The following RAPGEF6 variants were observed in gnomAD, a reference collection of about 807,000 sequenced individuals.
RAPGEF6 encodes Rap guanine nucleotide exchange factor 6.
A neutral mutation model predicts 171.4 loss-of-function variants in RAPGEF6; 56 were observed. The observed-to-expected ratio is 0.33, with a 90% confidence interval of 0.26 to 0.41. RAPGEF6 has a LOEUF of 0.41. Ranked by LOEUF, RAPGEF6 falls within the 10% of genes least tolerant of loss-of-function variation. The pLI is 1.00. For synonymous variants in RAPGEF6, 692 were observed against 650.1 expected, an observed-to-expected ratio of 1.06 and a Z score of -0.98; for missense variants, 1,674 against 1,921.4, an observed-to-expected ratio of 0.87 and a Z score of 2.41.
chr5:131,589,465 T>C (rs1419730071), intron 4 of RAPGEF6, among the ~76,000 whole-genome samples: 1 of 152,182 alleles, frequency 6.6e-6, no homozygotes, highest in Non-Finnish European at 1.5e-5. Context: ...AAGAACTCCA[T>C]TTGTATAAAG....
At chr5:131,526,742 C>T (rs1182869720) in intron 6 of RAPGEF6, among the ~76,000 whole-genome samples, 3 of 152,172 alleles carry the variant, frequency 2.0e-5, no homozygotes, top group African/African-American at 7.2e-5. Context: ...TTCCAGCCCA[C>T]CAGGTCTGAC....
At position 131,446,367 on chromosome 5, in the gene RAPGEF6, C is replaced by G. The variant is rs145245075; in HGVS notation, c.3421+116G>C. On this transcript the variant is annotated intron_variant, in intron 22 of 27. Coordinates refer to ENST00000509018, the MANE Select transcript of RAPGEF6 (RefSeq NM_016340.6). ...GGATCACATGATGCTTAAGGTATGC[C>G]AGCAATCTTTTGTGAGTGAAAGTTA... 7.8e-4 allele frequency: 749 copies of G among 964,980 alleles called. 7 individuals carry two copies. The African/African-American group carries it at 0.012, about 15-fold the overall frequency. The allele number at this position is 964,980 out of a possible 1,614,324, so 59.8% of individuals were successfully genotyped here. A position where few individuals can be genotyped will look rare whatever the true frequency, so the allele number is the denominator to read the frequency against.
intron 1 of RAPGEF6, among the ~76,000 whole-genome samples, chr5:131,623,471 A>G (rs1429362618): frequency 1.4e-5 from 2 of 143,448 alleles, no homozygotes; most frequent in African/African-American, 5.4e-5. Flanking sequence ...AGTATTTTTC[A>G]CATTGCTTTT....
At chr5:131,573,777 C>T (rs1244728398) in intron 4 of RAPGEF6, among the ~76,000 whole-genome samples, 1 of 152,134 alleles carries the variant, frequency 6.6e-6, no homozygotes, top group East Asian at 1.9e-4. Flanking sequence ...GAAAACCCAG[C>T]CCAGTTCATG....
chr5:131,629,897 T>C (rs766506057), intron 1 of RAPGEF6, among the ~76,000 whole-genome samples: 32 of 152,136 alleles, frequency 2.1e-4, no homozygotes, highest in Non-Finnish European at 3.8e-4. Context: ...AAAAGTGGTT[T>C]CTTGAGACAA....
At position 131,425,833 on chromosome 5, in the gene RAPGEF6, T is replaced by C. The variant is rs766642284; in HGVS notation, c.*1433A>G. ...ACACATACGGACAGCCATTCAGAAGTAAACCCCTTTTGGCTCCAAGTTGAT... is the reference window on the plus strand; with the variant it reads ...ACACATACGGACAGCCATTCAGAAGCAAACCCCTTTTGGCTCCAAGTTGAT... On this transcript the variant is annotated 3_prime_UTR_variant, in exon 28 of 28. Transcript: ENST00000509018. The C allele has an allele frequency of 2.0e-5, 3 of 147,140 alleles. No individual in the cohort carries two copies. Among genetic ancestry groups the C allele is most frequent in the Non-Finnish European group, 4.5e-5 (3 of 67,380 alleles). The allele number at this position is 147,140 out of a possible 1,614,324, so 9.1% of individuals were successfully genotyped here.
chr5:131,489,495 A>G (rs1756138481), intron 15 of RAPGEF6, 51 bp downstream of exon 15: 6 of 1,079,984 alleles, frequency 5.6e-6, no homozygotes, highest in Non-Finnish European at 8.2e-6. Context: ...TGACTTTTCT[A>G]TTACCAAATT....
chr5:131,456,463 T>C (rs770126497), intron 19 of RAPGEF6, among the ~76,000 whole-genome samples: 50 of 152,312 alleles, frequency 3.3e-4, no homozygotes, highest in Non-Finnish European at 4.1e-4. Flanking sequence ...CCTGCGATTT[T>C]GTTCACTCAC....
intron 26 of RAPGEF6, 162 bp downstream of exon 26, chr5:131,430,697 G>C (rs531370235): frequency 9.7e-7 from 1 of 1,032,742 alleles, no homozygotes; most frequent in Non-Finnish European, 1.5e-6. Context: ...AAGTCTTTGA[G>C]AAACCATGAA....
At chr5:131,620,828 G>C (rs186588582) in intron 1 of RAPGEF6, among the ~76,000 whole-genome samples, 4 of 152,202 alleles carry the variant, frequency 2.6e-5, no homozygotes, top group Non-Finnish European at 2.9e-5. Context: ...CTGGCCTCAA[G>C]TGATCTGCCC....
intron 7 of RAPGEF6, among the ~76,000 whole-genome samples, chr5:131,516,711 T>TA (rs1220188503): frequency 6.6e-6 from 1 of 152,240 alleles, no homozygotes; most frequent in Non-Finnish European, 1.5e-5. Flanking sequence ...AAGTACTCCT[T>TA]ATTCTCTTGA....
In RAPGEF6 at chr5:131,426,655, C is replaced by T. The variant is rs1751409506; in HGVS notation, c.*611G>A. ...CCTATTTCTCTCAAACTGAGACCTA[C>T]ATTGCATTGGTGCTACAGATCAAGT... is the stretch of plus-strand genomic sequence containing the variant. On this transcript the variant is annotated 3_prime_UTR_variant, in exon 28 of 28. Coordinates refer to ENST00000509018, the MANE Select transcript of RAPGEF6 (RefSeq NM_016340.6). The T allele has an allele frequency of 6.6e-6, 1 of 152,588 alleles. No individual in the cohort carries two copies. The highest frequency in any genetic ancestry group is 2.1e-4 in the South Asian group (1 of 4,836). 9.5% of individuals were successfully genotyped at this position (152,588 alleles called of 1,614,324 possible).
At chr5:131,609,594 T>C (rs1374904916) in intron 1 of RAPGEF6, among the ~76,000 whole-genome samples, 2 of 152,148 alleles carry the variant, frequency 1.3e-5, no homozygotes, top group African/African-American at 2.4e-5. Flanking sequence ...TCCAACAATA[T>C]AAACTTCCAC....
intron 4 of RAPGEF6, among the ~76,000 whole-genome samples, chr5:131,565,422 T>A (rs2149972159): frequency 6.6e-6 from 1 of 152,300 alleles, no homozygotes; most frequent in South Asian, 2.1e-4. Flanking sequence ...ATGGCAATTC[T>A]CTCCGAAGTG....
chr5:131,617,303 C>G (rs977934760), intron 1 of RAPGEF6, among the ~76,000 whole-genome samples: 2 of 89,708 alleles, frequency 2.2e-5, no homozygotes, highest in South Asian at 8.9e-4. Context: ...CACACACACA[C>G]ACACAAAAAA....
At chr5:131,471,988 G>A (rs894325469) in intron 17 of RAPGEF6, 7 of 153,368 alleles carry the variant, frequency 4.6e-5, no homozygotes, top group African/African-American at 1.7e-4. Flanking sequence ...TGCCTGAGAA[G>A]TGTCTCTGTT....
chr5:131,428,078 G>T (rs962861431), intron 27 of RAPGEF6, among the ~76,000 whole-genome samples: 1 of 151,784 alleles, frequency 6.6e-6, no homozygotes, highest in Admixed American at 6.6e-5. Flanking sequence ...ACTCCAGCCT[G>T]AGTGACACAG....
intron 24 of RAPGEF6, among the ~76,000 whole-genome samples, chr5:131,436,771 G>A (rs1179857496): frequency 1.3e-5 from 2 of 152,144 alleles, no homozygotes; most frequent in Admixed American, 1.3e-4. Flanking sequence ...TTACTATGAA[G>A]AAGCTTAGTA....
chr5:131,592,314 G>C, intron 4 of RAPGEF6, 69 bp downstream of exon 4: 2 of 1,548,198 alleles, frequency 1.3e-6, no homozygotes, highest in Non-Finnish European at 1.7e-6. Flanking sequence ...CTTACTGAAA[G>C]AAAATATACA....
Sources: allele counts gnomAD v4.1 joint callset (sites outside exome capture counted in the v4.1 genomes callset), GRCh38; gene constraint gnomAD v4.1.1; transcripts MANE v1.5; gene names NCBI Gene and HGNC (gene_info 2026-07-23, HGNC 2026-07-21).